The following CRY2 variants were observed in gnomAD, a reference collection of about 807,000 sequenced individuals.
CRY2 encodes the protein cryptochrome circadian regulator 2.
Under a neutral mutation model 69.5 loss-of-function variants are expected in CRY2, and 31 were observed. The ratio of observed to expected loss-of-function variants is 0.45; its 90% CI spans 0.34 to 0.60. The LOEUF (loss-of-function observed/expected upper bound fraction) is 0.60. CRY2 is among the 20% of genes least tolerant of loss of function. The pLI, the probability that CRY2 is intolerant of heterozygous loss-of-function variation, is 0.02. For synonymous variants in CRY2, 303 were observed against 312.2 expected, an observed-to-expected ratio of 0.97 and a Z score of 0.31; for missense variants, 606 against 797.8, an observed-to-expected ratio of 0.76 and a Z score of 2.90.
upstream of CRY2, chr11:45,847,149 C>A: frequency 6.5e-7 from 1 of 1,536,260 alleles, no homozygotes; most frequent in East Asian, 2.4e-5. Context: ...CTGAACAGGA[C>A]GTGGGTAAGA....
rs2292913 is a variant in CRY2 at position 45,855,978 on chromosome 11, A to G, written c.216-4A>G. ...CACTAACAAGGCCTGTGTGGACTCC[A>G]CAGGTTCCTACTTCAGTCTCTGGAA... On this transcript the variant is annotated splice_polypyrimidine_tract_variant and splice_region_variant and intron_variant, in intron 1 of 11. Transcript: ENST00000616080. 0.92 allele frequency: 1,475,806 copies of G among 1,612,230 alleles called. 681,846 individuals are homozygous for G. Among genetic ancestry groups the G allele is most frequent in the Non-Finnish European group, 0.94 (1,110,019 of 1,178,354 alleles).
intron 10 of CRY2, 21 bp from the exon 11 acceptor site, chr11:45,872,071 C>T (rs777567401): frequency 1.9e-6 from 3 of 1,613,508 alleles, no homozygotes; most frequent in South Asian, 1.1e-5. Flanking sequence ...CTGTGTGACC[C>T]TTTGACACGC....
chr11:45,877,367 C>T (rs771067264), intron 11 of CRY2, among the ~76,000 whole-genome samples: 2 of 152,242 alleles, frequency 1.3e-5, no homozygotes, highest in African/African-American at 2.4e-5. Flanking sequence ...TCCTCCAAAC[C>T]ATCAGCTGTT....
At chr11:45,854,681 T>A (rs980073718) in intron 1 of CRY2, among the ~76,000 whole-genome samples, 8 of 152,098 alleles carry the variant, frequency 5.3e-5, no homozygotes, top group Non-Finnish European at 8.8e-5. Context: ...AGAGCGAGAC[T>A]CTGTCTCAAA....
chr11:45,855,211 G>A lies in CRY2; in HGVS notation c.216-771G>A, dbSNP rs149570714. Among the ~76,000 whole-genome samples the A allele has an allele frequency of 1.1e-4, 16 of 143,822 alleles. No individual in the cohort carries two copies. The East Asian group carries it at 3.5e-3, about 31-fold the overall frequency. 94.4% of individuals were successfully genotyped at this position (143,822 alleles called of 152,430 possible). ...TAGCTATTGAGAAGTACCTTTTAAG[G>A]CCTTCTCCCTCTTGGGATGAGAACC... is the stretch of plus-strand genomic sequence containing the variant. On this transcript the variant is annotated intron_variant, in intron 1 of 11. Coordinates refer to ENST00000616080, the MANE Select transcript of CRY2 (RefSeq NM_021117.5).
chr11:45,870,515 C>CGCGCTA lies in CRY2; in HGVS notation c.1533_1538dup (p.Arg512_Tyr513insTer). 6.2e-7 allele frequency: 1 copy of CGCGCTA among 1,614,112 alleles called. No individual in the cohort carries two copies. Among genetic ancestry groups the CGCGCTA allele is most frequent in the Non-Finnish European group, 8.5e-7 (1 of 1,180,022 alleles). On this transcript the variant is annotated stop_gained and inframe_insertion, in exon 9 of 12. Transcript: ENST00000616080. LOFTEE classifies it high-confidence loss of function. ...ATGAAGCAGATTTACCAGCAGCTTTCGCGCTACCGGGGACTCTGTAAGGAG... is the reference window on the plus strand; with the variant it reads ...ATGAAGCAGATTTACCAGCAGCTTTCGCGCTAGCGCTACCGGGGACTCTGTAAGGAG...
chr11:45,879,145 C>T (rs934588672), intron 11 of CRY2, among the ~76,000 whole-genome samples: 5 of 151,694 alleles, frequency 3.3e-5, no homozygotes, highest in African/African-American at 7.3e-5. Context: ...AGGAGAATCG[C>T]TTGAACCTGG....
chr11:45,860,852 A>G lies in CRY2; in HGVS notation c.472A>G (p.Ile158Val). 6.2e-7 allele frequency: 1 copy of G among 1,614,080 alleles called. No individual in the cohort carries two copies. Residue 158 changes from isoleucine (I) to valine (V), a missense_variant, in exon 4 of 12, where the codon ATT becomes GTT. By Grantham distance (29) the Ile-to-Val change is conservative. Transcript: ENST00000616080. ...SHTLYDLDRI[I>V]ELNGQKPPLT... Reference sequence around the variant, plus strand: ...GCTATGCTTTGGGCTCCCCAGGATCATTGAGCTGAATGGGCAGAAGCCACC... The same window carrying G: ...GCTATGCTTTGGGCTCCCCAGGATCGTTGAGCTGAATGGGCAGAAGCCACC...
At chr11:45,864,190 G>A (rs2086311410) in intron 5 of CRY2, among the ~76,000 whole-genome samples, 1 of 152,162 alleles carries the variant, frequency 6.6e-6, no homozygotes, top group African/African-American at 2.4e-5. Context: ...ACTGCACCAT[G>A]AGTATACAGT....
chr11:45,863,736 G>A (rs924492757), intron 5 of CRY2, among the ~76,000 whole-genome samples: 1 of 151,846 alleles, frequency 6.6e-6, no homozygotes, highest in Non-Finnish European at 1.5e-5. Flanking sequence ...CTGTGGCCAG[G>A]TATAGGAGGT....
rs1439450594 is a variant in CRY2 at position 45,870,912 on chromosome 11, G to C, written c.1620G>C (p.Gln540His). 1 of 1,612,220 alleles carries C rather than the reference G, an allele frequency of 6.2e-7. No individual in the cohort carries two copies. The highest frequency in any genetic ancestry group is 1.7e-5 in the Admixed American group (1 of 60,014). The change falls in exon 10 of 12, where the codon CAG becomes CAC. Residue 540 changes from glutamine to histidine, a missense_variant. Gln to His is a conservative substitution (Grantham distance 24). Around this residue, in one of 5 missense-constraint regions of CRY2, gnomAD observed 173 missense variants for 213.7 expected, o/e 0.81. Coordinates refer to ENST00000616080, the MANE Select transcript of CRY2 (RefSeq NM_021117.5). ...CTGTGGCAGAGCCCAGCTCGAGCCAGGCTGGCAGCATGAGCAGTGCAGGTG... is the reference window on the plus strand; with the variant it reads ...CTGTGGCAGAGCCCAGCTCGAGCCACGCTGGCAGCATGAGCAGTGCAGGTG... ...SHPVAEPSSS[Q>H]AGSMSSAGPR...
In CRY2 at chr11:45,870,378, G is replaced by T. The variant is rs1465792844; in HGVS notation, c.1395G>T (p.Glu465Asp). The T allele has an allele frequency of 6.2e-7, 1 of 1,614,232 alleles. No individual in the cohort carries two copies. Reference protein sequence around the residue: ...LKAFPSRYIYEPWNAPESIQK... With the variant: ...LKAFPSRYIYDPWNAPESIQK... Reference sequence around the variant, plus strand: ...CGTTCCCCTCTCGATACATCTATGAGCCCTGGAATGCCCCAGAGTCAATTC... The same window carrying T: ...CGTTCCCCTCTCGATACATCTATGATCCCTGGAATGCCCCAGAGTCAATTC... The change falls in exon 9 of 12, where the codon GAG becomes GAT. Residue 465 changes from glutamate (E) to aspartate (D), a missense_variant. Physicochemically the swap from Glu to Asp is conservative, Grantham distance 45 (BLOSUM62 2). This residue lies in a region of CRY2 where 173 missense variants were observed against 213.7 expected (regional missense o/e 0.81). Transcript: ENST00000616080.
chr11:45,854,912 A>T (rs1213129282), intron 1 of CRY2, among the ~76,000 whole-genome samples: 2 of 152,212 alleles, frequency 1.3e-5, no homozygotes, highest in African/African-American at 4.8e-5. Context: ...CTTAAAAAGC[A>T]TGACAGAACC....
chr11:45,856,394 C>G (rs2086239290), intron 2 of CRY2: 2 of 297,160 alleles, frequency 6.7e-6, no homozygotes, highest in South Asian at 1.2e-4. Flanking sequence ...TTTCTTGGCT[C>G]AAGCCAGCCA....
intron 1 of CRY2, among the ~76,000 whole-genome samples, chr11:45,852,698 G>A (rs2086206970): frequency 6.6e-6 from 1 of 152,228 alleles, no homozygotes; most frequent in African/African-American, 2.4e-5. Flanking sequence ...GCTCAAGAGA[G>A]AAAGTTTAGT....
chr11:45,865,113 C>T (rs1489179859), intron 5 of CRY2, among the ~76,000 whole-genome samples: 1 of 150,492 alleles, frequency 6.6e-6, no homozygotes, highest in Admixed American at 6.6e-5. Flanking sequence ...TAGGAATGCA[C>T]ATTTGGGTAA....
intron 1 of CRY2, among the ~76,000 whole-genome samples, chr11:45,852,620 G>C (rs1445816021): frequency 1.3e-5 from 2 of 152,208 alleles, no homozygotes; most frequent in African/African-American, 4.8e-5. Flanking sequence ...TTCCCGGGTT[G>C]ACTCGGGAGG....
chr11:45,854,107 TGTAAGCCTCCA>T (rs1256879604), intron 1 of CRY2, among the ~76,000 whole-genome samples: 1 of 152,258 alleles, frequency 6.6e-6, no homozygotes, highest in Non-Finnish European at 1.5e-5. Flanking sequence ...TCACTGCTTC[TGTAAGCCTCCA>T]GTAGTCAGGG....
chr11:45,870,227 C>G, intron 8 of CRY2, 23 bp downstream of exon 8: 3 of 1,609,964 alleles, frequency 1.9e-6, no homozygotes, highest in Non-Finnish European at 2.5e-6. Context: ...ACCAGGCTCT[C>G]TGGCCTCTGA....
Sources: allele counts gnomAD v4.1 joint callset (sites outside exome capture counted in the v4.1 genomes callset), GRCh38; gene constraint gnomAD v4.1.1; regional missense constraint gnomAD v4.1.1; transcripts MANE v1.5; gene names NCBI Gene and HGNC (gene_info 2026-07-23, HGNC 2026-07-21).